Variants in ST6GALNAC3 observed in about 807,000 individuals in gnomAD.
ST6GALNAC3 encodes the protein ST6 N-acetylgalactosaminide alpha-2,6-sialyltransferase 3.
Under a neutral mutation model 32.7 loss-of-function variants are expected in ST6GALNAC3, and 25 were observed. The observed-to-expected ratio is 0.76, with a 90% confidence interval of 0.56 to 1.07. The LOEUF is 1.07. Among genes scored for constraint, ST6GALNAC3 ranks in the 50% least tolerant of loss-of-function variants. The probability of loss-of-function intolerance (pLI) is 0.00; values close to 1 mark genes in which losing one functional copy is unlikely to be tolerated. For synonymous variants in ST6GALNAC3, 129 were observed against 133.1 expected (o/e 0.97, Z 0.21); for missense variants, 355 against 382.4 (o/e 0.93, Z 0.60).
At chr1:76,306,683 GGGC>G (rs201701110) in intron 1 of ST6GALNAC3, among the ~76,000 whole-genome samples, 15 of 146,658 alleles carry the variant, frequency 1.0e-4, no homozygotes, top group African/African-American at 1.7e-4. Flanking sequence ...TTTTTTTGGG[GGGC>G]GGGGGGTGCA....
At chr1:76,124,432 T>C (rs1321384786) in intron 1 of ST6GALNAC3, among the ~76,000 whole-genome samples, 1 of 152,216 alleles carries the variant, frequency 6.6e-6, no homozygotes, top group Non-Finnish European at 1.5e-5. Context: ...TTTCTGTGGG[T>C]GAGTTGCAGT....
intron 1 of ST6GALNAC3, among the ~76,000 whole-genome samples, chr1:76,282,762 C>T (rs909433169): frequency 2.6e-5 from 4 of 151,986 alleles, no homozygotes; most frequent in African/African-American, 9.7e-5. Context: ...GATGCAGTGG[C>T]TCACACTTGT....
At chr1:76,224,438 G>A (rs1375016146) in intron 1 of ST6GALNAC3, among the ~76,000 whole-genome samples, 1 of 152,184 alleles carries the variant, frequency 6.6e-6, no homozygotes, top group East Asian at 1.9e-4. Flanking sequence ...TTACTTAGAT[G>A]GAGTTGAGAT....
intron 1 of ST6GALNAC3, among the ~76,000 whole-genome samples, chr1:76,186,570 G>A (rs1653570248): frequency 6.6e-6 from 1 of 152,154 alleles, no homozygotes; most frequent in Non-Finnish European, 1.5e-5. Flanking sequence ...CCGAGATAAG[G>A]AATGCAGGTC....
intron 1 of ST6GALNAC3, among the ~76,000 whole-genome samples, chr1:76,117,280 G>C (rs564097417): frequency 1.3e-5 from 2 of 152,310 alleles, no homozygotes; most frequent in African/African-American, 4.8e-5. Flanking sequence ...AGGATACAAA[G>C]GGACAGGAGA....
At chr1:76,442,707 A>G (rs1656699007) in intron 3 of ST6GALNAC3, among the ~76,000 whole-genome samples, 1 of 152,166 alleles carries the variant, frequency 6.6e-6, no homozygotes, top group South Asian at 2.1e-4. Flanking sequence ...ACCACTGAAC[A>G]ACAAGGTACC....
At chr1:76,295,679 C>A (rs974194135) in intron 1 of ST6GALNAC3, among the ~76,000 whole-genome samples, 6 of 151,956 alleles carry the variant, frequency 3.9e-5, no homozygotes, top group African/African-American at 7.2e-5. Flanking sequence ...GGCACAGGAT[C>A]CTTCATGAGG....
chr1:76,629,600 C>T lies in ST6GALNAC3; in HGVS notation c.*794C>T. 5.1e-6 allele frequency: 5 copies of T among 984,542 alleles called. No individual in the cohort carries two copies. The highest frequency in any genetic ancestry group is 6.0e-6 in the Non-Finnish European group (5 of 828,882). The allele number at this position is 984,542 out of a possible 1,614,324, so 61.0% of individuals were successfully genotyped here. ...GAGTGCTAAATATTTCAGAAGGCTACTTAACATGTAAGATACCAACTTCAA... is the reference window on the plus strand; with the variant it reads ...GAGTGCTAAATATTTCAGAAGGCTATTTAACATGTAAGATACCAACTTCAA... On this transcript the variant is annotated 3_prime_UTR_variant, in exon 5 of 5. Coordinates refer to ENST00000328299, the MANE Select transcript of ST6GALNAC3 (RefSeq NM_152996.4).
chr1:76,421,004 G>A (rs930599103), intron 3 of ST6GALNAC3, among the ~76,000 whole-genome samples: 2 of 151,900 alleles, frequency 1.3e-5, no homozygotes, highest in Non-Finnish European at 2.9e-5. Flanking sequence ...CTATTTGAGG[G>A]AATACCAGCC....
At chr1:76,393,647 A>G (rs1166785258) in intron 2 of ST6GALNAC3, among the ~76,000 whole-genome samples, 2 of 152,220 alleles carry the variant, frequency 1.3e-5, no homozygotes, top group Non-Finnish European at 1.5e-5. Context: ...AAACGAAAAC[A>G]GAATGATTCT....
At chr1:76,310,639 C>T (rs981377724) in intron 1 of ST6GALNAC3, among the ~76,000 whole-genome samples, 1 of 152,122 alleles carries the variant, frequency 6.6e-6, no homozygotes, top group African/African-American at 2.4e-5. Context: ...CTTGACTTCC[C>T]TAGGAGAGTC....
chr1:76,268,419 A>T (rs1658654958), intron 1 of ST6GALNAC3, among the ~76,000 whole-genome samples: 1 of 152,190 alleles, frequency 6.6e-6, no homozygotes, highest in South Asian at 2.1e-4. Context: ...TGCCAGAGCC[A>T]GGGGGACTGA....
chr1:76,291,832 A>G (rs781584873), intron 1 of ST6GALNAC3, among the ~76,000 whole-genome samples: 9 of 152,260 alleles, frequency 5.9e-5, no homozygotes, highest in African/African-American at 1.2e-4. Context: ...GTGATGTGCA[A>G]TTTGTTCCTT....
At chr1:76,282,519 G>A (rs1407570244) in intron 1 of ST6GALNAC3, among the ~76,000 whole-genome samples, 1 of 152,006 alleles carries the variant, frequency 6.6e-6, no homozygotes, top group African/African-American at 2.4e-5. Context: ...TGGATATTTA[G>A]GTAGTTTCCA....
intron 3 of ST6GALNAC3, among the ~76,000 whole-genome samples, chr1:76,483,296 C>T (rs1171585592): frequency 2.0e-5 from 3 of 152,174 alleles, no homozygotes; most frequent in Non-Finnish European, 2.9e-5. Flanking sequence ...TGAAGAATCG[C>T]CATACTGTCT....
intron 1 of ST6GALNAC3, among the ~76,000 whole-genome samples, chr1:76,188,450 C>T (rs542715928): frequency 6.6e-6 from 1 of 152,210 alleles, no homozygotes; most frequent in Admixed American, 6.5e-5. Flanking sequence ...AGCCCATGTA[C>T]TATTGGACTG....
chr1:76,597,913 G>A (rs1016679491), intron 3 of ST6GALNAC3, among the ~76,000 whole-genome samples: 17 of 152,102 alleles, frequency 1.1e-4, no homozygotes, highest in African/African-American at 3.9e-4. Flanking sequence ...CATCCAGGCC[G>A]AGTTTAATTA....
chr1:76,607,056 T>C (rs1488970688), intron 3 of ST6GALNAC3, among the ~76,000 whole-genome samples: 1 of 151,958 alleles, frequency 6.6e-6, no homozygotes, highest in Non-Finnish European at 1.5e-5. Flanking sequence ...CAACAATAAA[T>C]CAGGGGTGCT....
chr1:76,250,226 G>A (rs1657532237), intron 1 of ST6GALNAC3, among the ~76,000 whole-genome samples: 1 of 152,160 alleles, frequency 6.6e-6, no homozygotes, highest in Non-Finnish European at 1.5e-5. Flanking sequence ...ACATAAAATA[G>A]GATGGTTTGC....
Sources: gnomAD v4.1 joint callset for allele counts (sites outside exome capture counted in the v4.1 genomes callset) on GRCh38, gnomAD v4.1.1 for gene constraint, MANE v1.5 for transcripts, NCBI Gene and HGNC (gene_info 2026-07-23, HGNC 2026-07-21) for gene names.